Variants in MEGF11 observed in about 807,000 individuals in gnomAD.
The protein encoded by MEGF11 is multiple epidermal growth factor-like domains protein 11.
Under a neutral mutation model 146.6 loss-of-function variants are expected in MEGF11, and 126 were observed. The observed-to-expected ratio is 0.86, with a 90% CI of 0.74 to 1.00. MEGF11 has a LOEUF of 1.00. Among genes scored for constraint, MEGF11 ranks in the 50% least tolerant of loss-of-function variants. MEGF11 has a pLI of 0.00. For missense variants in MEGF11, 1,509 were observed against 1,521.2 expected (o/e 0.99, Z 0.13); for synonymous variants, 532 against 583.4 (o/e 0.91, Z 1.27).
At chr15:66,070,570 G>A (rs983812858) in intron 5 of MEGF11, among the ~76,000 whole-genome samples, 1 of 152,228 alleles carries the variant, frequency 6.6e-6, no homozygotes, top group Non-Finnish European at 1.5e-5. Context: ...CTCTGGTGGT[G>A]GTGGGGGGTA....
At chr15:66,138,039 C>T (rs1056044764) in intron 1 of MEGF11, among the ~76,000 whole-genome samples, 2 of 152,122 alleles carry the variant, frequency 1.3e-5, no homozygotes, top group Middle Eastern at 3.2e-3. Context: ...ATCCAACCTG[C>T]GTGAGATGGC....
At chr15:65,940,090 G>A (rs948360047) in intron 10 of MEGF11, among the ~76,000 whole-genome samples, 22 of 150,068 alleles carry the variant, frequency 1.5e-4, no homozygotes, top group Admixed American at 3.9e-4. Flanking sequence ...GTGGCTAGAC[G>A]GGGTGGGGCA....
At chr15:66,184,090 T>C (rs535612374) in intron 1 of MEGF11, among the ~76,000 whole-genome samples, 1 of 152,252 alleles carries the variant, frequency 6.6e-6, no homozygotes, top group African/African-American at 2.4e-5. Context: ...GGGGGACAGA[T>C]GAATTAACAA....
chr15:65,909,255 G>A (rs2141175696), intron 22 of MEGF11, 120 bp from the exon 23 acceptor site: 1 of 732,322 alleles, frequency 1.4e-6, no homozygotes, highest in East Asian at 2.7e-5. Flanking sequence ...GAGGACTTGG[G>A]GGCCTCTGTG....
chr15:66,015,836 C>A (rs866873297), intron 5 of MEGF11, among the ~76,000 whole-genome samples: 6 of 140,122 alleles, frequency 4.3e-5, no homozygotes, highest in African/African-American at 8.0e-5. Context: ...AAGATTCCAC[C>A]TTTCCCAGCC....
At position 65,913,862 on chromosome 15, in the gene MEGF11, A is replaced by AT; in HGVS notation, c.2584dup (p.Ile862AsnfsTer48). On this transcript the variant is annotated frameshift_variant, in exon 20 of 26. Transcript: ENST00000395614. LOFTEE classifies it high-confidence loss of function. ...GGCAAATAGGCCCAGCAGCACCACA[A>AT]TGAGGAATAACAGGAGCATGATGCC... 6.2e-7 allele frequency: 1 copy of AT among 1,613,926 alleles called. No individual in the cohort carries two copies. Among genetic ancestry groups the AT allele is most frequent in the South Asian group, 1.1e-5 (1 of 91,084 alleles).
chr15:65,933,828 C>T (rs907553822), intron 10 of MEGF11, among the ~76,000 whole-genome samples: 2 of 152,164 alleles, frequency 1.3e-5, no homozygotes, highest in Non-Finnish European at 2.9e-5. Flanking sequence ...TCCCCTGAGC[C>T]TCAGTTCCCA....
At chr15:65,984,461 G>C (rs2081774823) in intron 5 of MEGF11, among the ~76,000 whole-genome samples, 1 of 140,994 alleles carries the variant, frequency 7.1e-6, no homozygotes, top group Admixed American at 7.7e-5. Flanking sequence ...GGGAGGCAGA[G>C]GTTGCAGTGA....
At chr15:66,173,303 G>A (rs1430092139) in intron 1 of MEGF11, among the ~76,000 whole-genome samples, 1 of 152,074 alleles carries the variant, frequency 6.6e-6, no homozygotes, top group Non-Finnish European at 1.5e-5. Context: ...CATGACAGAA[G>A]GCAATTTTTT....
chr15:66,250,973 A>T (rs2092362599), intron 1 of MEGF11, among the ~76,000 whole-genome samples: 1 of 152,164 alleles, frequency 6.6e-6, no homozygotes, highest in Non-Finnish European at 1.5e-5. Context: ...CCTGGGAATG[A>T]TGAGAAAGGA....
At chr15:65,908,272 C>G (rs2078691036) in intron 23 of MEGF11, among the ~76,000 whole-genome samples, 1 of 152,182 alleles carries the variant, frequency 6.6e-6, no homozygotes, top group Admixed American at 6.5e-5. Flanking sequence ...TAGAAGCCAC[C>G]TAGAGCCTGA....
intron 1 of MEGF11, among the ~76,000 whole-genome samples, chr15:66,182,500 A>G (rs1318673196): frequency 1.3e-5 from 2 of 152,200 alleles, no homozygotes; most frequent in African/African-American, 4.8e-5. Flanking sequence ...AGTTTGCAGA[A>G]TCGGGATTTT....
chr15:66,036,663 C>T (rs74023656), intron 5 of MEGF11, among the ~76,000 whole-genome samples: 4,756 of 152,204 alleles, frequency 0.031, 233 homozygotes, highest in African/African-American at 0.11. Context: ...TAACTAAAGG[C>T]AAGCCCTGGA....
intron 5 of MEGF11, among the ~76,000 whole-genome samples, chr15:66,031,158 G>A (rs1375934791): frequency 6.6e-6 from 1 of 152,102 alleles, no homozygotes; most frequent in East Asian, 1.9e-4. Flanking sequence ...TCTTTTGATG[G>A]GGTCTGTCTT....
Position 65,992,453 on chromosome 15 carries a change from G to GA in MEGF11, c.395-9966_395-9965insT, listed in dbSNP as rs571036256. 3.5e-3 allele frequency among the ~76,000 whole-genome samples: 494 copies of GA among 142,990 alleles called. 6 individuals carry two copies. The highest frequency in any genetic ancestry group is 4.7e-3 in the Non-Finnish European group (310 of 65,960). The allele number at this position is 142,990 out of a possible 152,430, so 93.8% of individuals were successfully genotyped here. A position where few individuals can be genotyped will look rare whatever the true frequency, so the allele number is the denominator to read the frequency against. The stretch of plus-strand genomic sequence containing the variant: ...TTTGTGCCTCTGTGTGTGTGTGTGG[G>GA]GGGGGGGGTTAGTCACATCCTGAGG... On this transcript the variant is annotated intron_variant, in intron 5 of 25. Coordinates refer to ENST00000395614, the MANE Select transcript of MEGF11 (RefSeq NM_001385028.1).
chr15:65,995,210 G>A (rs937630724), intron 5 of MEGF11, among the ~76,000 whole-genome samples: 11 of 152,190 alleles, frequency 7.2e-5, no homozygotes, highest in African/African-American at 2.4e-4. Context: ...CTGGAAAGGC[G>A]GGTACACAGC....
At chr15:65,996,675 AG>A (rs1409516829) in intron 5 of MEGF11, among the ~76,000 whole-genome samples, 1 of 152,100 alleles carries the variant, frequency 6.6e-6, no homozygotes, top group East Asian at 1.9e-4. Flanking sequence ...TCGTAGAGAC[AG>A]GGTTTCATCA....
chr15:66,185,207 C>G (rs1464147241), intron 1 of MEGF11, among the ~76,000 whole-genome samples: 1 of 152,066 alleles, frequency 6.6e-6, no homozygotes, highest in African/African-American at 2.4e-5. Context: ...ATTTACAACC[C>G]CTGCTCCCTG....
At chr15:66,174,692 G>A (rs769737591) in intron 1 of MEGF11, among the ~76,000 whole-genome samples, 3 of 151,842 alleles carry the variant, frequency 2.0e-5, no homozygotes, top group Non-Finnish European at 2.9e-5. Flanking sequence ...CACCTGTGGG[G>A]CTATCTCAGC....
Sources: gnomAD v4.1 joint callset for allele counts (sites outside exome capture counted in the v4.1 genomes callset) on GRCh38, gnomAD v4.1.1 for gene constraint, MANE v1.5 for transcripts, NCBI Gene and HGNC (gene_info 2026-07-23, HGNC 2026-07-21) for gene names.